The following MAP2K5 variants were observed in gnomAD, a reference collection of about 807,000 sequenced individuals.
The protein encoded by MAP2K5 is dual specificity mitogen-activated protein kinase kinase 5.
A neutral mutation model predicts 83.1 loss-of-function variants in MAP2K5; 49 were observed. The ratio of observed to expected loss-of-function variants is 0.59; its 90% CI spans 0.47 to 0.75. The LOEUF (loss-of-function observed/expected upper bound fraction) is 0.75, where lower values mean the gene tolerates loss of function less well. MAP2K5 is among the 30% of genes least tolerant of loss of function. The pLI, the probability that MAP2K5 is intolerant of heterozygous loss-of-function variation, is 0.00. For synonymous variants in MAP2K5, 202 were observed against 191.8 expected (o/e 1.05, Z -0.44); for missense variants, 457 against 557.5 (o/e 0.82, Z 1.82).
Position 67,780,004 on chromosome 15 carries a change from G to A in MAP2K5, c.1242+7252G>A, listed in dbSNP as rs1016852869. On this transcript the variant is annotated intron_variant, in intron 21 of 21. Transcript: ENST00000178640. The surrounding 1 kb of genome is among the most constrained non-coding windows in gnomAD (Gnocchi z 5.0). ...AGCCTCCTCTCCCCTCCCCTGGAAGGTCTTGGTCCTCCTCCCTGCGGCTTT... is the reference window on the plus strand; with the variant it reads ...AGCCTCCTCTCCCCTCCCCTGGAAGATCTTGGTCCTCCTCCCTGCGGCTTT... 6.6e-6 allele frequency among the ~76,000 whole-genome samples: 1 copy of A among 152,100 alleles called. No homozygotes were observed. Among genetic ancestry groups the A allele is most frequent in the African/African-American group, 2.4e-5 (1 of 41,430 alleles).
At chr15:67,660,282 G>T (rs2087203615) in intron 12 of MAP2K5, among the ~76,000 whole-genome samples, 4 of 150,550 alleles carry the variant, frequency 2.7e-5, no homozygotes, top group Admixed American at 2.0e-4. Flanking sequence ...CCAAAATGTA[G>T]TGTTTTTTTT....
At chr15:67,633,805 T>C (rs1567324381) in intron 9 of MAP2K5, among the ~76,000 whole-genome samples, 3 of 152,224 alleles carry the variant, frequency 2.0e-5, no homozygotes. Flanking sequence ...GTTGGTAGTT[T>C]AGGCAAAAAC....
chr15:67,591,476 A>G (rs1383041771), intron 6 of MAP2K5, among the ~76,000 whole-genome samples: 1 of 151,178 alleles, frequency 6.6e-6, no homozygotes, highest in African/African-American at 2.4e-5. Context: ...CTGGGTTCAC[A>G]CCATTCTCCT....
At chr15:67,795,232 T>C (rs1195871924) in intron 21 of MAP2K5, among the ~76,000 whole-genome samples, 3 of 152,240 alleles carry the variant, frequency 2.0e-5, no homozygotes, top group African/African-American at 7.2e-5. Flanking sequence ...ATGACATCTT[T>C]CTATTTAATT....
At chr15:67,673,699 A>C (rs1320098224) in intron 13 of MAP2K5, among the ~76,000 whole-genome samples, 2 of 152,250 alleles carry the variant, frequency 1.3e-5, no homozygotes, top group Non-Finnish European at 2.9e-5. Context: ...ATTAATTTTT[A>C]ATGATTTATT....
At chr15:67,763,202 C>T (rs931050049) in intron 19 of MAP2K5, among the ~76,000 whole-genome samples, 4 of 151,972 alleles carry the variant, frequency 2.6e-5, no homozygotes, top group African/African-American at 9.7e-5. Context: ...TCCCTTGTAA[C>T]ACACCGAGAA....
At chr15:67,675,432 G>A (rs1225689596) in intron 13 of MAP2K5, among the ~76,000 whole-genome samples, 3 of 152,170 alleles carry the variant, frequency 2.0e-5, no homozygotes, top group Non-Finnish European at 4.4e-5. Flanking sequence ...TGGTTACCAG[G>A]GGCTGAGAGG....
At position 67,775,903 on chromosome 15, in the gene MAP2K5, A is replaced by G. The variant is rs1232840051; in HGVS notation, c.1242+3151A>G. ...CTTCAACATTGACCTGGTGGAGTTC[A>G]AACAGGCAACATATTCACCACCAGC... On this transcript the variant is annotated intron_variant, in intron 21 of 21. Coordinates refer to ENST00000178640, the MANE Select transcript of MAP2K5 (RefSeq NM_145160.3). This position sits in a 1 kb window ranked among gnomAD's most constrained non-coding sequence, Gnocchi z 5.3. Among the ~76,000 whole-genome samples, 1 of 152,210 alleles carries G rather than the reference A, an allele frequency of 6.6e-6. No homozygotes were observed. Among genetic ancestry groups the G allele is most frequent in the Non-Finnish European group, 1.5e-5 (1 of 68,032 alleles).
At position 67,638,836 on chromosome 15, in the gene MAP2K5, T is replaced by A. The variant is rs1453610854; in HGVS notation, c.586-7395T>A. Among the ~76,000 whole-genome samples, 1 of 152,196 alleles carries A rather than the reference T, an allele frequency of 6.6e-6. No homozygotes were observed. The highest frequency in any genetic ancestry group is 6.5e-5 in the Admixed American group (1 of 15,280). On this transcript the variant is annotated intron_variant, in intron 9 of 21. Transcript: ENST00000178640. The surrounding 1 kb of genome is among the most constrained non-coding windows in gnomAD (Gnocchi z 4.5). The stretch of plus-strand genomic sequence containing the variant: ...CTCAAATGATCAGTGATGTTGAGCG[T>A]TTTTCCATAGGATTGTTGGCCTCGT...
At chr15:67,709,169 A>C (rs1369637708) in intron 16 of MAP2K5, among the ~76,000 whole-genome samples, 1 of 152,232 alleles carries the variant, frequency 6.6e-6, no homozygotes, top group African/African-American at 2.4e-5. Flanking sequence ...TTATGGAATC[A>C]TTAAAGGTCA....
chr15:67,659,577 AT>A (rs752152844), intron 12 of MAP2K5, among the ~76,000 whole-genome samples: 5 of 152,060 alleles, frequency 3.3e-5, no homozygotes, highest in Non-Finnish European at 5.9e-5. Flanking sequence ...GTAGATTAGT[AT>A]GAAATTTGAG....
rs949081051 is a variant in MAP2K5, at chr15:67,552,664, T to A, written c.184+2582T>A. ...GTTGCTCAGGCTGGTCTTGAACTCC[T>A]GGCCTCAAGTGATAGTCCCATCTTG... On this transcript the variant is annotated intron_variant, in intron 2 of 21. Transcript: ENST00000178640. This position sits in a 1 kb window ranked among gnomAD's most constrained non-coding sequence, Gnocchi z 4.2. Among the ~76,000 whole-genome samples the A allele has an allele frequency of 3.9e-5, 6 of 152,172 alleles. No homozygotes were observed. Among genetic ancestry groups the A allele is most frequent in the African/African-American group, 1.4e-4 (6 of 41,438 alleles).
intron 21 of MAP2K5, among the ~76,000 whole-genome samples, chr15:67,792,486 T>C (rs781226006): frequency 6.6e-6 from 1 of 152,178 alleles, no homozygotes; most frequent in African/African-American, 2.4e-5. Flanking sequence ...TGTCATTGTT[T>C]ATCTAATTTT....
At chr15:67,671,529 G>C (rs192272892) in intron 13 of MAP2K5, among the ~76,000 whole-genome samples, 2 of 152,012 alleles carry the variant, frequency 1.3e-5, no homozygotes, top group African/African-American at 2.4e-5. Context: ...AAATCAAAAG[G>C]CATCTTTAAG....
chr15:67,803,735 A>G (rs1050453097), intron 21 of MAP2K5, among the ~76,000 whole-genome samples: 1 of 152,128 alleles, frequency 6.6e-6, no homozygotes, highest in Non-Finnish European at 1.5e-5. Flanking sequence ...AGAGGTCAAG[A>G]CCTGGGATGG....
intron 7 of MAP2K5, among the ~76,000 whole-genome samples, chr15:67,596,276 G>A (rs1244835121): frequency 6.6e-6 from 1 of 152,092 alleles, no homozygotes; most frequent in East Asian, 1.9e-4. Flanking sequence ...CAAAAAATTT[G>A]CTGGGTGTGG....
At chr15:67,714,000 A>C (rs142174071) in intron 16 of MAP2K5, among the ~76,000 whole-genome samples, 1 of 152,254 alleles carries the variant, frequency 6.6e-6, no homozygotes, top group East Asian at 1.9e-4. Context: ...TCTTATGTAT[A>C]AGTTGAAGGT....
intron 9 of MAP2K5, among the ~76,000 whole-genome samples, chr15:67,632,291 G>C (rs1187996127): frequency 6.6e-6 from 1 of 151,860 alleles, no homozygotes. Context: ...GTAGAGACAG[G>C]GTTTCACTAT....
rs1033536195 is a variant in MAP2K5, at chr15:67,572,711, T to A, written c.253-8043T>A. Among the ~76,000 whole-genome samples the A allele has an allele frequency of 2.2e-4, 34 of 152,130 alleles. No homozygotes were observed. The East Asian group carries it at 2.5e-3, about 11-fold the overall frequency. On this transcript the variant is annotated intron_variant, in intron 3 of 21. Coordinates refer to ENST00000178640, the MANE Select transcript of MAP2K5 (RefSeq NM_145160.3). This position sits in a 1 kb window ranked among gnomAD's most constrained non-coding sequence, Gnocchi z 4.2. ...GAATTGATATTATTATTATTATTTT[T>A]TTTTTTGAGATGGAGTCTTGCTCTG...
Sources: allele counts gnomAD v4.1 joint callset (sites outside exome capture counted in the v4.1 genomes callset), GRCh38; gene constraint gnomAD v4.1.1; non-coding constraint Gnocchi (gnomAD v3.1); transcripts MANE v1.5; gene names NCBI Gene and HGNC (gene_info 2026-07-23, HGNC 2026-07-21).